Variants in PCDHGA1 observed in about 807,000 individuals in gnomAD.
The protein encoded by PCDHGA1 is protocadherin gamma subfamily A, 1.
A neutral mutation model predicts 58.0 loss-of-function variants in PCDHGA1; 32 were observed. That is an observed-to-expected ratio of 0.55 (90% CI 0.42 to 0.74). The LOEUF (loss-of-function observed/expected upper bound fraction) is 0.74, where lower values mean the gene tolerates loss of function less well. PCDHGA1 is among the 30% of genes least tolerant of loss of function. PCDHGA1 has a pLI of 0.00. For synonymous variants in PCDHGA1, 498 were observed against 501.1 expected, an observed-to-expected ratio of 0.99 and a Z score of 0.08; for missense variants, 1,205 against 1,182.3, an observed-to-expected ratio of 1.02 and a Z score of -0.28.
chr5:141,366,268 C>T (rs1426955979), intron 1 of PCDHGA1: 1 of 1,613,718 alleles, frequency 6.2e-7, no homozygotes, highest in Non-Finnish European at 8.5e-7. Flanking sequence ...TGGTGGCCGT[C>T]GAAGACCATG....
chr5:141,370,541 C>A (rs760146561), intron 1 of PCDHGA1: 2 of 1,613,924 alleles, frequency 1.2e-6, no homozygotes, highest in African/African-American at 1.3e-5. Flanking sequence ...TGGTAGGGAA[C>A]CTCGCCAAGG....
chr5:141,379,963 G>A (rs1181673658), intron 1 of PCDHGA1, among the ~76,000 whole-genome samples: 1 of 124,340 alleles, frequency 8.0e-6, no homozygotes, highest in African/African-American at 3.0e-5. Context: ...GCAGTGGTGT[G>A]ATCTCTGCTC....
Position 141,424,000 on chromosome 5 carries a change from A to G in PCDHGA1, c.2422-70807A>G, listed in dbSNP as rs2096794510. On this transcript the variant is annotated intron_variant, in intron 1 of 3. Coordinates refer to ENST00000517417, the MANE Select transcript of PCDHGA1 (RefSeq NM_018912.3). ...ATGAGGCTCTCAATTTATTATATAT[A>G]GATACAAATTAATGATTCACAAACA... 5 of 1,076,368 alleles carry G rather than the reference A, an allele frequency of 4.6e-6. No homozygotes were observed. In the South Asian group the frequency reaches 1.4e-4, roughly 30 times the overall value. 66.7% of individuals were successfully genotyped at this position (1,076,368 alleles called of 1,614,324 possible).
Position 141,339,749 on chromosome 5 carries a change from C to G in PCDHGA1, c.2421+6644C>G, listed in dbSNP as rs145851665. 121 of 1,613,952 alleles carry G rather than the reference C, an allele frequency of 7.5e-5. No individual in the cohort carries two copies. Among genetic ancestry groups the G allele is most frequent in the Middle Eastern group, 1.6e-4 (1 of 6,084 alleles). On this transcript the variant is annotated intron_variant, in intron 1 of 3. Transcript: ENST00000517417. ...TCCGGAGAATACGCTCGTGGGCACC[C>G]GGATACTCACGGTGACCGCCACTGA...
intron 1 of PCDHGA1, chr5:141,357,432 C>A (rs1217622560): frequency 3.7e-6 from 6 of 1,614,212 alleles, no homozygotes; most frequent in Non-Finnish European, 5.1e-6. Flanking sequence ...TGGGCGTGGA[C>A]GGGGTTCGGG....
intron 3 of PCDHGA1, among the ~76,000 whole-genome samples, chr5:141,506,300 T>G (rs2099852124): frequency 6.6e-6 from 1 of 151,976 alleles, no homozygotes; most frequent in East Asian, 1.9e-4. Flanking sequence ...AATACAAAAA[T>G]TAGCTGGGCA....
chr5:141,389,405 G>A (rs758428464), intron 1 of PCDHGA1: 16 of 1,613,614 alleles, frequency 9.9e-6, no homozygotes. Flanking sequence ...CCATAAGCGC[G>A]GAGAGCGGGG....
chr5:141,374,761 C>G, intron 1 of PCDHGA1: 3 of 1,613,458 alleles, frequency 1.9e-6, no homozygotes, highest in South Asian at 1.1e-5. Context: ...CAAGCGTCGC[C>G]CAAATTCTGG....
chr5:141,351,649 T>C (rs1561500860), intron 1 of PCDHGA1: 1 of 1,614,032 alleles, frequency 6.2e-7, no homozygotes, highest in African/African-American at 1.3e-5. Context: ...ACAACCCACC[T>C]GGCGCCTCCA....
chr5:141,372,294 G>A (rs536487253), intron 1 of PCDHGA1: 2 of 1,613,280 alleles, frequency 1.2e-6, no homozygotes, highest in Non-Finnish European at 1.7e-6. Flanking sequence ...TACCTTGGGC[G>A]ACAGGGAGGC....
rs1477917877 is a variant in PCDHGA1 at position 141,332,311 on chromosome 5, A to G, written c.1627A>G (p.Ser543Gly). 1.1e-5 allele frequency: 18 copies of G among 1,614,068 alleles called. No homozygotes were observed. In the East Asian group the frequency reaches 4.0e-4, roughly 36 times the overall value. Residue 543 changes from serine to glycine, a missense_variant, in exon 1 of 4, where the codon AGC (serine) becomes GGC (glycine). Physicochemically the swap from Ser to Gly is moderately conservative, Grantham distance 56. Coordinates refer to ENST00000517417, the MANE Select transcript of PCDHGA1 (RefSeq NM_018912.3). This position sits in a 1 kb window ranked among gnomAD's most constrained non-coding sequence, Gnocchi z 4.6. ...MARDSGDPPL[S>G]SNVSLSLFLL... is the part of the protein sequence containing the mutation. Reference sequence around the variant, plus strand: ...GCGGGACAGTGGGGATCCGCCCCTCAGCAGCAACGTGTCTCTCAGCCTATT... The same window carrying G: ...GCGGGACAGTGGGGATCCGCCCCTCGGCAGCAACGTGTCTCTCAGCCTATT...
chr5:141,357,542 G>A lies in PCDHGA1; in HGVS notation c.2421+24437G>A, dbSNP rs149810895. ...CCCAGCTATGCAGACACGCTCATCA[G>A]CCGGGAGAGTTGTGAGAAAAGCGAG... On this transcript the variant is annotated intron_variant, in intron 1 of 3. Transcript: ENST00000517417. The A allele has an allele frequency of 2.3e-4, 375 of 1,614,210 alleles. No individual in the cohort carries two copies. In the East Asian group the frequency reaches 8.3e-3, roughly 36 times the overall value.
rs1594492695 is a variant in PCDHGA1 at position 141,485,536 on chromosome 5, A to G, written c.2422-9271A>G. On this transcript the variant is annotated intron_variant, in intron 1 of 3. Transcript: ENST00000517417. The surrounding 1 kb of genome is among the most constrained non-coding windows in gnomAD (Gnocchi z 5.7). ...CTTTGGAAATGTACCGAGCAGAGGTAGAGATCGTAGATGTGAATGATCACG... is the reference window on the plus strand; with the variant it reads ...CTTTGGAAATGTACCGAGCAGAGGTGGAGATCGTAGATGTGAATGATCACG... 3 of 1,613,976 alleles carry G rather than the reference A, an allele frequency of 1.9e-6. No homozygotes were observed. The highest frequency in any genetic ancestry group is 2.5e-6 in the Non-Finnish European group (3 of 1,179,946).
chr5:141,403,200 C>T (rs765799006), intron 1 of PCDHGA1: 1 of 1,613,982 alleles, frequency 6.2e-7, no homozygotes, highest in South Asian at 1.1e-5. Flanking sequence ...CGCAGCGGCA[C>T]CTTGGTCACC....
At chr5:141,498,796 G>C (rs1160540093) in intron 2 of PCDHGA1, among the ~76,000 whole-genome samples, 1 of 152,032 alleles carries the variant, frequency 6.6e-6, no homozygotes, top group African/African-American at 2.4e-5. Context: ...AGCCAGGTGT[G>C]GTGGTGCACA....
At chr5:141,385,965 G>A (rs368454164) in intron 1 of PCDHGA1, 2 of 152,134 alleles carry the variant, frequency 1.3e-5, no homozygotes, top group Non-Finnish European at 2.9e-5. Flanking sequence ...AAAGGCCATC[G>A]GACAAAACCA....
At chr5:141,376,679 T>G (rs1008866087) in intron 1 of PCDHGA1, 29 of 528,326 alleles carry the variant, frequency 5.5e-5, no homozygotes, top group East Asian at 4.1e-5. Flanking sequence ...GGGTATCGTT[T>G]TTTTTTTTTT....
intron 1 of PCDHGA1, chr5:141,365,056 C>T: frequency 6.2e-7 from 1 of 1,613,906 alleles, no homozygotes; most frequent in Non-Finnish European, 8.5e-7. Flanking sequence ...CGCCCCTGTT[C>T]ACCCCATCCG....
At position 141,331,447 on chromosome 5, in the gene PCDHGA1, G is replaced by A. The variant is rs777526111; in HGVS notation, c.763G>A (p.Val255Met). Residue 255 changes from valine to methionine, a missense_variant, in exon 1 of 4, where the codon GTG becomes ATG. Coordinates refer to ENST00000517417, the MANE Select transcript of PCDHGA1 (RefSeq NM_018912.3). The part of the protein sequence containing the change: ...AQYHINVPEN[V>M]PLGTQLLMVN... ...ATACCATATAAATGTCCCCGAAAAC[G>A]TGCCGCTGGGTACTCAGCTGCTCAT... is the stretch of plus-strand genomic sequence containing the variant. The A allele has an allele frequency of 6.2e-6, 10 of 1,614,120 alleles. No homozygotes were observed. Among genetic ancestry groups the A allele is most frequent in the Non-Finnish European group, 8.5e-6 (10 of 1,180,036 alleles).
Sources: allele counts gnomAD v4.1 joint callset (sites outside exome capture counted in the v4.1 genomes callset), GRCh38; gene constraint gnomAD v4.1.1; non-coding constraint Gnocchi (gnomAD v3.1); transcripts MANE v1.5; gene names NCBI Gene and HGNC (gene_info 2026-07-23, HGNC 2026-07-21).